Variants in COL23A1 observed in about 807,000 individuals in gnomAD.
The protein encoded by COL23A1 is collagen type XXIII alpha 1 chain, also known as collagen alpha-1(XXIII) chain.
COL23A1 carries 97 observed loss-of-function variants against 99.3 expected under a neutral mutation model. The ratio of observed to expected loss-of-function variants is 0.98; its 90% CI spans 0.83 to 1.16. The LOEUF (loss-of-function observed/expected upper bound fraction) is 1.16, where lower values mean the gene tolerates loss of function less well. Among genes scored for constraint, COL23A1 ranks in the 50% most tolerant of loss-of-function variants. COL23A1 has a pLI of 0.00. For missense variants in COL23A1, 762 were observed against 757.4 expected (o/e 1.01, Z -0.07); for synonymous variants, 320 against 308.2 (o/e 1.04, Z -0.40).
chr5:178,242,041 C>CCACG lies in COL23A1; in HGVS notation c.1578_1581dup (p.Gly528ArgfsTer14). 6.4e-7 allele frequency: 1 copy of CCACG among 1,553,584 alleles called. No individual in the cohort carries two copies. The highest frequency in any genetic ancestry group is 8.7e-7 in the Non-Finnish European group (1 of 1,147,772). Reference sequence around the variant, plus strand: ...GGGCAGGGCCCTCCTCCGACACCTACCACGGGACACGGCTGGTCCAGGCCT... The same window carrying CCACG: ...GGGCAGGGCCCTCCTCCGACACCTACCACGCACGGGACACGGCTGGTCCAGGCCT... On this transcript the variant is annotated frameshift_variant and splice_region_variant. Coordinates refer to ENST00000390654, the MANE Select transcript of COL23A1 (RefSeq NM_173465.4). LOFTEE classifies it high-confidence loss of function.
chr5:178,254,520 C>T (rs972781437), intron 16 of COL23A1, among the ~76,000 whole-genome samples: 6 of 152,304 alleles, frequency 3.9e-5, no homozygotes, highest in East Asian at 1.9e-4. Flanking sequence ...AGTTTACCAG[C>T]GACTGGGCTC....
intron 12 of COL23A1, among the ~76,000 whole-genome samples, chr5:178,258,374 TCTC>T (rs892745691): frequency 6.9e-6 from 1 of 145,442 alleles, no homozygotes; most frequent in Non-Finnish European, 1.5e-5. Flanking sequence ...CCAGGGAAGG[TCTC>T]CTGGAAGATG....
chr5:178,377,398 C>T (rs991475383), intron 2 of COL23A1, among the ~76,000 whole-genome samples: 11 of 152,366 alleles, frequency 7.2e-5, no homozygotes, highest in Non-Finnish European at 1.3e-4. Context: ...TCTCCAGGGG[C>T]CGGGGCCACC....
intron 1 of COL23A1, among the ~76,000 whole-genome samples, chr5:178,561,472 C>G (rs1432830624): frequency 6.6e-6 from 1 of 152,184 alleles, no homozygotes; most frequent in Non-Finnish European, 1.5e-5. Flanking sequence ...CTCTGGCAGG[C>G]TCCTGGCCCG....
At chr5:178,588,150 C>T (rs538715745) in intron 1 of COL23A1, among the ~76,000 whole-genome samples, 2 of 152,190 alleles carry the variant, frequency 1.3e-5, no homozygotes, top group Non-Finnish European at 2.9e-5. Flanking sequence ...AGAACACACA[C>T]CCTGTCCAAT....
rs1756831899 is a variant in COL23A1, at chr5:178,280,396, A to G, written c.441+7928T>C. 6.6e-6 allele frequency among the ~76,000 whole-genome samples: 1 copy of G among 152,192 alleles called. No homozygotes were observed. The highest frequency in any genetic ancestry group is 1.5e-5 in the Non-Finnish European group (1 of 68,014). On this transcript the variant is annotated intron_variant, in intron 5 of 28. Transcript: ENST00000390654. This position sits in a 1 kb window ranked among gnomAD's most constrained non-coding sequence, Gnocchi z 4.9. Reference sequence around the variant, plus strand: ...CTGCGTCATCTCCTTGGTTCCCCCAATAGCTGAAGGGGCCGAGGCTTGGCG... The same window carrying G: ...CTGCGTCATCTCCTTGGTTCCCCCAGTAGCTGAAGGGGCCGAGGCTTGGCG...
intron 13 of COL23A1, among the ~76,000 whole-genome samples, chr5:178,257,135 T>G (rs2127545701): frequency 6.6e-6 from 1 of 152,260 alleles, no homozygotes; most frequent in Admixed American, 6.5e-5. Context: ...CCTTCTGGTG[T>G]GGGCCTTGGC....
chr5:178,462,103 G>C (rs1158883941), intron 2 of COL23A1, among the ~76,000 whole-genome samples: 1 of 152,208 alleles, frequency 6.6e-6, no homozygotes, highest in Non-Finnish European at 1.5e-5. Context: ...TGGAAGGATG[G>C]GAGGAGGGGC....
chr5:178,335,799 T>C (rs147842965), intron 2 of COL23A1, among the ~76,000 whole-genome samples: 176 of 152,346 alleles, frequency 1.2e-3, no homozygotes, highest in African/African-American at 4.1e-3. Context: ...TGTGGCGAAC[T>C]TCTTGCACAG....
Position 178,239,232 on chromosome 5 carries a change from A to G in COL23A1, c.1582-53T>C, listed in dbSNP as rs1355231176. ...GGGATGGGGCCTGGGGAGCTCCTCT[A>G]CACCCCACATGCCCTCCCCTGGTCT... On this transcript the variant is annotated intron_variant, in intron 27 of 28. Coordinates refer to ENST00000390654, the MANE Select transcript of COL23A1 (RefSeq NM_173465.4). 5 of 1,593,814 alleles carry G rather than the reference A, an allele frequency of 3.1e-6. No individual in the cohort carries two copies. In the East Asian group the frequency reaches 1.1e-4, roughly 36 times the overall value.
In COL23A1 at chr5:178,431,818, C is replaced by T. The variant is rs1271922865; in HGVS notation, c.362-124899G>A. Among the ~76,000 whole-genome samples the T allele has an allele frequency of 2.0e-5, 3 of 152,226 alleles. No homozygotes were observed. In the South Asian group the frequency reaches 6.2e-4, roughly 32 times the overall value. ...AGTTTGTGATAATTTGCTACAGCGT[C>T]CACAAGAAACTAATACAGCCACCTT... is the stretch of plus-strand genomic sequence containing the variant. On this transcript the variant is annotated intron_variant, in intron 2 of 28. Transcript: ENST00000390654.
At chr5:178,416,275 G>A (rs537055965) in intron 2 of COL23A1, among the ~76,000 whole-genome samples, 7 of 152,262 alleles carry the variant, frequency 4.6e-5, no homozygotes, top group African/African-American at 1.2e-4. Context: ...ATGAGCATCC[G>A]GGTTGTTGAG....
intron 2 of COL23A1, among the ~76,000 whole-genome samples, chr5:178,445,263 C>T (rs1355274752): frequency 6.6e-6 from 1 of 152,080 alleles, no homozygotes; most frequent in Non-Finnish European, 1.5e-5. Context: ...ATACATTGTA[C>T]TAAATTATTT....
intron 2 of COL23A1, among the ~76,000 whole-genome samples, chr5:178,421,160 T>C (rs1212763108): frequency 6.6e-6 from 1 of 152,182 alleles, no homozygotes; most frequent in Admixed American, 6.5e-5. Context: ...CAAACTGTTT[T>C]TGAAGTGCAA....
chr5:178,555,146 G>A (rs1031119507), intron 2 of COL23A1, among the ~76,000 whole-genome samples: 1 of 151,760 alleles, frequency 6.6e-6, no homozygotes, highest in African/African-American at 2.4e-5. Flanking sequence ...CCTGCCCTCT[G>A]CATGGGTCTA....
chr5:178,531,793 C>A (rs1201769825), intron 2 of COL23A1, among the ~76,000 whole-genome samples: 1 of 152,200 alleles, frequency 6.6e-6, no homozygotes, highest in Non-Finnish European at 1.5e-5. Context: ...TTGCTGCGAG[C>A]GAGTGCATCC....
At chr5:178,317,111 T>C (rs1210154720) in intron 2 of COL23A1, among the ~76,000 whole-genome samples, 1 of 152,244 alleles carries the variant, frequency 6.6e-6, no homozygotes, top group Non-Finnish European at 1.5e-5. Flanking sequence ...TCAGTCTCTG[T>C]TCTAGTCATG....
In COL23A1 at chr5:178,246,237, C is replaced by A; in HGVS notation, c.1413+17G>T. ...GGTGGCCACGGTTGGAGAGGGAGTT[C>A]CGAATGAGGCGGTTACCTTCTCTCC... is the stretch of plus-strand genomic sequence containing the variant. On this transcript the variant is annotated intron_variant, in intron 24 of 28. Coordinates refer to ENST00000390654, the MANE Select transcript of COL23A1 (RefSeq NM_173465.4). 1 of 1,553,022 alleles carries A rather than the reference C, an allele frequency of 6.4e-7. No individual in the cohort carries two copies. The highest frequency in any genetic ancestry group is 8.7e-7 in the Non-Finnish European group (1 of 1,147,726).
intron 1 of COL23A1, among the ~76,000 whole-genome samples, chr5:178,582,593 C>T (rs761849525): frequency 1.4e-4 from 21 of 152,188 alleles, no homozygotes; most frequent in Non-Finnish European, 2.4e-4. Context: ...TGCGCCAGCC[C>T]CACCTCACAG....
Sources: gnomAD v4.1 joint callset for allele counts (sites outside exome capture counted in the v4.1 genomes callset) on GRCh38, gnomAD v4.1.1 for gene constraint, Gnocchi (gnomAD v3.1) non-coding constraint, MANE v1.5 for transcripts, NCBI Gene and HGNC (gene_info 2026-07-23, HGNC 2026-07-21) for gene names.